Variants in SLC19A3 observed in about 807,000 individuals in gnomAD.
SLC19A3 encodes the protein thiamine transporter 2.
SLC19A3 carries 31 observed loss-of-function variants against 40.2 expected under a neutral mutation model. The observed-to-expected ratio is 0.77, with a 90% confidence interval of 0.58 to 1.04. The LOEUF is 1.04. Among genes scored for constraint, SLC19A3 ranks in the 50% least tolerant of loss-of-function variants. The probability of loss-of-function intolerance (pLI) is 0.00; values close to 1 mark genes in which losing one functional copy is unlikely to be tolerated. For missense variants in SLC19A3, 592 were observed against 596.7 expected (o/e 0.99, Z 0.08); for synonymous variants, 212 against 227.5 (o/e 0.93, Z 0.61).
Position 227,686,422 on chromosome 2 carries a change from C to A in SLC19A3, c.*975G>T, listed in dbSNP as rs371001817. 2.2e-4 allele frequency: 35 copies of A among 160,426 alleles called. No homozygotes were observed. The East Asian group carries it at 5.5e-3, about 25-fold the overall frequency. The allele number at this position is 160,426 out of a possible 1,614,324, so 9.9% of individuals were successfully genotyped here. ...TAGCCTCTGACTCCTGTGCTCAACC[C>A]ATCCTCCCACCATGGCCTCCCAAGT... On this transcript the variant is annotated 3_prime_UTR_variant, in exon 6 of 6. Transcript: ENST00000644224.
chr2:227,696,105 T>C lies in SLC19A3; in HGVS notation c.980-24A>G, dbSNP rs754739465. The C allele has an allele frequency of 3.1e-6, 5 of 1,609,888 alleles. No homozygotes were observed. In the South Asian group the frequency reaches 5.5e-5, roughly 18 times the overall value. On this transcript the variant is annotated intron_variant, in intron 3 of 5. Transcript: ENST00000644224. ...CCCTGAAAAAAAACATTGAAGGCAA[T>C]CAAACATAATGACTTTGCATGCAGG...
At chr2:227,689,278 C>A (rs1695134323) in intron 4 of SLC19A3, among the ~76,000 whole-genome samples, 1 of 152,086 alleles carries the variant, frequency 6.6e-6, no homozygotes, top group Non-Finnish European at 1.5e-5. Flanking sequence ...GAACACCAAG[C>A]AGATTTAACC....
At chr2:227,688,527 C>T (rs1301425729) in intron 4 of SLC19A3, among the ~76,000 whole-genome samples, 1 of 152,118 alleles carries the variant, frequency 6.6e-6, no homozygotes, top group African/African-American at 2.4e-5. Flanking sequence ...TCCAAGACCA[C>T]CAAAGCAGTA....
At chr2:227,712,050 CAAAAAAAA>C (rs397988111) in intron 1 of SLC19A3, among the ~76,000 whole-genome samples, 23,764 of 64,340 alleles carry the variant, frequency 0.37, 2,307 homozygotes, top group South Asian at 0.54. Flanking sequence ...ACTCTGTCTC[CAAAAAAAA>C]AAAAAAAAAA....
At chr2:227,701,179 T>C in intron 2 of SLC19A3, 1 of 1,093,592 alleles carries the variant, frequency 9.1e-7, no homozygotes, top group Non-Finnish European at 1.2e-6. Flanking sequence ...TTTCTGTCTT[T>C]GCCACCTCAC....
chr2:227,688,102 G>A (rs953965758), intron 5 of SLC19A3, 64 bp downstream of exon 5: 14 of 1,539,230 alleles, frequency 9.1e-6, no homozygotes, highest in Non-Finnish European at 9.9e-6. Context: ...TTTAAATATT[G>A]CTTGTTGTAA....
intron 1 of SLC19A3, 75 bp from the exon 2 acceptor site, chr2:227,702,395 A>ATTTTT (rs71039629): frequency 9.5e-7 from 1 of 1,057,664 alleles, no homozygotes; most frequent in South Asian, 1.5e-5. Context: ...TGAAAACCTG[A>ATTTTT]TTTTTTTTTT....
chr2:227,686,184 G>T lies in SLC19A3; in HGVS notation c.*1213C>A. 1 of 438,636 alleles carries T rather than the reference G, an allele frequency of 2.3e-6. No individual in the cohort carries two copies. Among genetic ancestry groups the T allele is most frequent in the Non-Finnish European group, 4.6e-6 (1 of 217,832 alleles). 27.2% of individuals were successfully genotyped at this position (438,636 alleles called of 1,614,324 possible). On this transcript the variant is annotated 3_prime_UTR_variant, in exon 6 of 6. Coordinates refer to ENST00000644224, the MANE Select transcript of SLC19A3 (RefSeq NM_025243.4). ...TGCATTCCAGCCTGGGTGAGAGAGCGAGACTGTCTCAAAAACCAAAACAAA... is the reference window on the plus strand; with the variant it reads ...TGCATTCCAGCCTGGGTGAGAGAGCTAGACTGTCTCAAAAACCAAAACAAA...
At position 227,696,829 on chromosome 2, in the gene SLC19A3, G is replaced by A. The variant is rs150067518; in HGVS notation, c.980-748C>T. 2.5e-3 allele frequency among the ~76,000 whole-genome samples: 381 copies of A among 152,264 alleles called. 1 individual carries two copies. The highest frequency in any genetic ancestry group is 8.3e-3 in the African/African-American group (344 of 41,538). ...TCCTGTAATCCCAGCACTTTGGGAG[G>A]CTGAAGGGGGTGGATCACTTGAGGT... On this transcript the variant is annotated intron_variant, in intron 3 of 5. Transcript: ENST00000644224.
rs539007586 is a variant in SLC19A3, at chr2:227,707,564, G to A, written c.-2-5244C>T. Among the ~76,000 whole-genome samples, 87 of 151,730 alleles carry A rather than the reference G, an allele frequency of 5.7e-4. 1 individual carries two copies. Among genetic ancestry groups the A allele is most frequent in the Admixed American group, 1.3e-3 (20 of 15,220 alleles). ...TGCCACTGCACTCCAGCCGGGCAACGGAGCAAGACCCTGTTCTCAAAAAAT... is the reference window on the plus strand; with the variant it reads ...TGCCACTGCACTCCAGCCGGGCAACAGAGCAAGACCCTGTTCTCAAAAAAT... On this transcript the variant is annotated intron_variant, in intron 1 of 5. Transcript: ENST00000644224.
rs1287862643 is a variant in SLC19A3, at chr2:227,702,261, A to T, written c.58T>A (p.Cys20Ser). The T allele has an allele frequency of 6.2e-7, 1 of 1,614,072 alleles. No individual in the cohort carries two copies. Among genetic ancestry groups the T allele is most frequent in the Admixed American group, 1.7e-5 (1 of 60,018 alleles). The change falls in exon 2 of 6, where the codon TGC becomes AGC. Residue 20 changes from cysteine to serine, a missense_variant. By Grantham distance (112) the Cys-to-Ser change is moderately radical (BLOSUM62 -1). Transcript: ENST00000644224. ...ATCATGGAGAAAAAACCAAATAAGC[A>T]GAGGATCACAGTGGGGTAAATCCAG... is the stretch of plus-strand genomic sequence containing the variant. ...SSWIYPTVILCLFGFFSMMRP... is the reference protein window; with the variant it reads ...SSWIYPTVILSLFGFFSMMRP...
chr2:227,695,361 G>C (rs1695384838), intron 4 of SLC19A3, among the ~76,000 whole-genome samples: 1 of 152,014 alleles, frequency 6.6e-6, no homozygotes, highest in Admixed American at 6.5e-5. Context: ...CCAGCACTTT[G>C]GGAAGCCAGG....
At chr2:227,690,261 T>C (rs1025078347) in intron 4 of SLC19A3, among the ~76,000 whole-genome samples, 1 of 152,150 alleles carries the variant, frequency 6.6e-6, no homozygotes, top group South Asian at 2.1e-4. Context: ...AATGAAGGGA[T>C]GGACAAAGAT....
chr2:227,702,400 T>TC, intron 1 of SLC19A3, 80 bp from the exon 2 acceptor site: 1 of 1,463,462 alleles, frequency 6.8e-7, no homozygotes, highest in East Asian at 2.4e-5. Context: ...ACCTGATTTT[T>TC]TTTTTTTTTT....
chr2:227,686,346 T>C lies in SLC19A3; in HGVS notation c.*1051A>G. The C allele has an allele frequency of 3.8e-6, 1 of 266,124 alleles. No individual in the cohort carries two copies. Among genetic ancestry groups the C allele is most frequent in the South Asian group, 3.4e-5 (1 of 29,504 alleles). The allele number at this position is 266,124 out of a possible 1,614,324, so 16.5% of individuals were successfully genotyped here. A position where few individuals can be genotyped will look rare whatever the true frequency, so the allele number is the denominator to read the frequency against. On this transcript the variant is annotated 3_prime_UTR_variant, in exon 6 of 6. Transcript: ENST00000644224. ...TTTTTTGGGAGGAGGGGGATGAGAG[T>C]CTTACTCTGTTGCCCAGGCTGGAGT...
At chr2:227,687,644 C>G in intron 5 of SLC19A3, 71 bp from the exon 6 acceptor site, 1 of 1,529,630 alleles carries the variant, frequency 6.5e-7, no homozygotes, top group Admixed American at 1.8e-5. Flanking sequence ...CATCCTAATA[C>G]TGTTGGTTTG....
At chr2:227,700,860 A>C in intron 2 of SLC19A3, 1 of 1,197,362 alleles carries the variant, frequency 8.4e-7, no homozygotes, top group Non-Finnish European at 1.1e-6. Flanking sequence ...GGAGTTGCTG[A>C]TCTGTAGGGA....
chr2:227,713,478 ATGAATTAGCTCATTC>A (rs2106343651), intron 1 of SLC19A3, among the ~76,000 whole-genome samples: 1 of 30,212 alleles, frequency 3.3e-5, no homozygotes, highest in East Asian at 2.9e-4. Flanking sequence ...GTGCTCATGA[ATGAATTAGCTCATTC>A]ATGAATTAAT....
At chr2:227,705,291 C>T (rs1456332670) in intron 1 of SLC19A3, among the ~76,000 whole-genome samples, 6 of 151,932 alleles carry the variant, frequency 3.9e-5, no homozygotes, top group South Asian at 2.1e-4. Context: ...CTATAGGACA[C>T]GGTACTAAGT....
Sources: gnomAD v4.1 joint callset for allele counts (sites outside exome capture counted in the v4.1 genomes callset) on GRCh38, gnomAD v4.1.1 for gene constraint, MANE v1.5 for transcripts, NCBI Gene and HGNC (gene_info 2026-07-23, HGNC 2026-07-21) for gene names.